Variants in LRGUK observed in about 807,000 individuals in gnomAD.
LRGUK encodes leucine-rich repeat and guanylate kinase domain-containing protein.
A neutral mutation model predicts 76.0 loss-of-function variants in LRGUK; 65 were observed. The observed-to-expected ratio is 0.85, with a 90% CI of 0.70 to 1.05. The LOEUF (loss-of-function observed/expected upper bound fraction) is 1.05, where lower values mean the gene tolerates loss of function less well. Ranked by LOEUF, LRGUK falls within the 50% of genes least tolerant of loss-of-function variation. The pLI, the probability that LRGUK is intolerant of heterozygous loss-of-function variation, is 0.00. For missense variants in LRGUK, 758 were observed against 732.8 expected, an observed-to-expected ratio of 1.03 and a Z score of -0.40; for synonymous variants, 268 against 265.6, an observed-to-expected ratio of 1.01 and a Z score of -0.09.
At chr7:134,257,628 T>G (rs1802617865) in intron 18 of LRGUK, among the ~76,000 whole-genome samples, 1 of 149,174 alleles carries the variant, frequency 6.7e-6, no homozygotes, top group South Asian at 2.1e-4. Context: ...CAACATGGCA[T>G]AACCCCATCT....
intron 18 of LRGUK, among the ~76,000 whole-genome samples, chr7:134,256,369 G>T (rs1297569163): frequency 6.7e-6 from 1 of 149,182 alleles, no homozygotes; most frequent in Admixed American, 6.8e-5. Context: ...TGAGGCAGGA[G>T]AATGACTTGA....
At chr7:134,266,490 G>A (rs553573379), downstream of LRGUK, among the ~76,000 whole-genome samples, 1 of 152,298 alleles carries the variant, frequency 6.6e-6, no homozygotes, top group South Asian at 2.1e-4. Flanking sequence ...TGACTAAACA[G>A]TACAATCACT....
intron 16 of LRGUK, among the ~76,000 whole-genome samples, chr7:134,247,011 C>A (rs1353693915): frequency 6.6e-6 from 1 of 152,112 alleles, no homozygotes; most frequent in African/African-American, 2.4e-5. Flanking sequence ...TGCCACCAGA[C>A]CATAAACCTT....
chr7:134,259,366 G>A (rs2598275), intron 19 of LRGUK, among the ~76,000 whole-genome samples: 11,409 of 152,120 alleles, frequency 0.075, 1,047 homozygotes, highest in African/African-American at 0.21. Context: ...AAGGTGGGGC[G>A]CTGTGAGTAG....
chr7:134,127,548 C>T (rs765397953), exon 1 of LRGUK: 4 of 1,614,100 alleles, frequency 2.5e-6, no homozygotes, highest in Non-Finnish European at 3.4e-6. Flanking sequence ...CTCCTCCTAC[C>T]TGCTCCAGCA....
chr7:134,173,116 TA>T (rs35121046), intron 7 of LRGUK, among the ~76,000 whole-genome samples: 1 of 152,204 alleles, frequency 6.6e-6, no homozygotes, highest in Middle Eastern at 3.4e-3. Context: ...TGATCCCTTT[TA>T]AAAAAAGATA....
chr7:134,209,370 A>T, exon 16 of LRGUK: 1 of 399,098 alleles, frequency 2.5e-6, no homozygotes, highest in Non-Finnish European at 4.4e-6. Context: ...TTGGTGCAGA[A>T]ACTTGCTGGC....
intron 5 of LRGUK, among the ~76,000 whole-genome samples, chr7:134,148,751 C>A (rs1482560215): frequency 6.6e-6 from 1 of 152,038 alleles, no homozygotes; most frequent in Non-Finnish European, 1.5e-5. Flanking sequence ...ATGGCGGAAA[C>A]CCTGCCTCTA....
rs552652297 is a variant in LRGUK, at chr7:134,164,804, T to C, written c.939+1264T>C. On this transcript the variant is annotated intron_variant, in intron 7 of 15. Transcript: ENST00000645682. Reference sequence around the variant, plus strand: ...TTAGGTTGCTAAGAATCAAGAAAAGTCAGTTATTAGTCCTGGGAACAGAGG... The same window carrying C: ...TTAGGTTGCTAAGAATCAAGAAAAGCCAGTTATTAGTCCTGGGAACAGAGG... 4.6e-5 allele frequency among the ~76,000 whole-genome samples: 7 copies of C among 152,284 alleles called. No individual in the cohort carries two copies. The South Asian group carries it at 1.4e-3, about 32-fold the overall frequency.
chr7:134,228,615 T>C (rs1801817972), intron 16 of LRGUK, among the ~76,000 whole-genome samples: 1 of 152,176 alleles, frequency 6.6e-6, no homozygotes, highest in African/African-American at 2.4e-5. Context: ...GTAAATTATA[T>C]GTGTATATTT....
chr7:134,221,796 C>T (rs374143269), exon 16 of LRGUK: 1 of 1,548,874 alleles, frequency 6.5e-7, no homozygotes, highest in Non-Finnish European at 8.7e-7. Context: ...GACATCCCAC[C>T]TGAAACCTGA....
downstream of LRGUK, among the ~76,000 whole-genome samples, chr7:134,214,547 G>A (rs2117138077): frequency 6.6e-6 from 1 of 152,190 alleles, no homozygotes; most frequent in East Asian, 1.9e-4. Flanking sequence ...GGAATATTAT[G>A]TTGTCATTAT....
chr7:134,218,149 A>T (rs1801485122), intron 15 of LRGUK, among the ~76,000 whole-genome samples: 1 of 152,180 alleles, frequency 6.6e-6, no homozygotes, highest in South Asian at 2.1e-4. Context: ...TTTAGTAGAG[A>T]TGGGGTTTTG....
At chr7:134,146,151 A>G (rs976025265) in intron 4 of LRGUK, among the ~76,000 whole-genome samples, 2 of 152,032 alleles carry the variant, frequency 1.3e-5, no homozygotes, top group Non-Finnish European at 2.9e-5. Context: ...GTGGGAGCCT[A>G]TAGTCCCAGC....
chr7:134,150,076 A>G (rs573828624), intron 5 of LRGUK, among the ~76,000 whole-genome samples: 3 of 152,114 alleles, frequency 2.0e-5, no homozygotes, highest in African/African-American at 7.2e-5. Flanking sequence ...GAGATTGAGA[A>G]CATCCTGGCT....
intron 16 of LRGUK, among the ~76,000 whole-genome samples, chr7:134,242,025 A>T (rs1802169828): frequency 6.6e-6 from 1 of 152,244 alleles, no homozygotes; most frequent in Non-Finnish European, 1.5e-5. Flanking sequence ...AAGACACAAC[A>T]TACCAGAATC....
At chr7:134,130,137 A>G (rs1797235576) in intron 1 of LRGUK, among the ~76,000 whole-genome samples, 1 of 152,062 alleles carries the variant, frequency 6.6e-6, no homozygotes, top group Admixed American at 6.5e-5. Context: ...AGTTTTGCTT[A>G]AAGTTGACCA....
At chr7:134,138,491 A>G (rs944253797) in intron 2 of LRGUK, among the ~76,000 whole-genome samples, 1 of 152,008 alleles carries the variant, frequency 6.6e-6, no homozygotes, top group Admixed American at 6.6e-5. Context: ...CTCCTACCAA[A>G]GTCATAAGTT....
chr7:134,127,516 C>CGAAA lies in LRGUK; in HGVS notation c.151_154dup (p.Gly52GlufsTer5). 1 of 1,614,184 alleles carries CGAAA rather than the reference C, an allele frequency of 6.2e-7. No individual in the cohort carries two copies. The highest frequency in any genetic ancestry group is 8.5e-7 in the Non-Finnish European group (1 of 1,180,022). ...TGGTCTTTTCCCATGGGGCAGAAGA[C>CGAAA]GAAAGGCAGCTCTAACATAGCCTCC... On this transcript the variant is annotated frameshift_variant, in exon 1 of 16. Coordinates refer to ENST00000645682, the Ensembl canonical transcript of LRGUK. LOFTEE classifies it high-confidence loss of function.
Sources: gnomAD v4.1 joint callset for allele counts (sites outside exome capture counted in the v4.1 genomes callset) on GRCh38, gnomAD v4.1.1 for gene constraint, MANE v1.5 for transcripts, NCBI Gene and HGNC (gene_info 2026-07-23, HGNC 2026-07-21) for gene names.